The following GSAP variants were observed in gnomAD, a reference collection of about 807,000 sequenced individuals.
The protein encoded by GSAP is gamma-secretase-activating protein.
GSAP carries 118 observed loss-of-function variants against 131.7 expected under a neutral mutation model. The observed-to-expected ratio is 0.90, with a 90% CI of 0.77 to 1.04. GSAP has a LOEUF of 1.04. Among genes scored for constraint, GSAP ranks in the 50% least tolerant of loss-of-function variants. The pLI is 0.00. For missense variants in GSAP, 1,019 were observed against 1,013.2 expected, an observed-to-expected ratio of 1.01 and a Z score of -0.08; for synonymous variants, 381 against 363.4, an observed-to-expected ratio of 1.05 and a Z score of -0.55.
At chr7:77,415,326 G>A (rs1804156775) in intron 1 of GSAP, among the ~76,000 whole-genome samples, 2 of 152,240 alleles carry the variant, frequency 1.3e-5, no homozygotes, top group Admixed American at 1.3e-4. Context: ...ATTCACTGAA[G>A]TGGACAGCGC....
intron 12 of GSAP, among the ~76,000 whole-genome samples, chr7:77,370,961 G>A (rs545330547): frequency 2.6e-5 from 4 of 151,576 alleles, no homozygotes; most frequent in East Asian, 1.9e-4. Flanking sequence ...TTTCCTTTTC[G>A]TTTGGATGTT....
Position 77,406,008 on chromosome 7 carries a change from T to TA in GSAP, c.186+20dup, listed in dbSNP as rs1408001873. 13 of 852,134 alleles carry TA rather than the reference T, an allele frequency of 1.5e-5. No homozygotes were observed. The East Asian group carries it at 6.8e-4, about 44-fold the overall frequency. The allele number at this position is 852,134 out of a possible 1,614,324, so 52.8% of individuals were successfully genotyped here. On this transcript the variant is annotated intron_variant, in intron 2 of 30. Coordinates refer to ENST00000257626, the MANE Select transcript of GSAP (RefSeq NM_017439.4). ...CAGTAAATTTTACATCTTACCACAATAAAAAAGAATATAGACATACCTTAT... is the reference window on the plus strand; with the variant it reads ...CAGTAAATTTTACATCTTACCACAATAAAAAAAGAATATAGACATACCTTAT...
chr7:77,389,487 T>G (rs1464239216), intron 5 of GSAP, among the ~76,000 whole-genome samples: 1 of 134,752 alleles, frequency 7.4e-6, no homozygotes, highest in Non-Finnish European at 1.6e-5. Flanking sequence ...CCTATGTCCA[T>G]GTGTTCTCAT....
intron 19 of GSAP, among the ~76,000 whole-genome samples, chr7:77,345,403 T>G (rs1791645444): frequency 6.6e-6 from 1 of 152,190 alleles, no homozygotes; most frequent in Admixed American, 6.5e-5. Flanking sequence ...CCCCAACACT[T>G]CAATGCTATT....
intron 5 of GSAP, among the ~76,000 whole-genome samples, chr7:77,389,974 T>C (rs1245139610): frequency 6.6e-6 from 1 of 152,232 alleles, no homozygotes; most frequent in Non-Finnish European, 1.5e-5. Context: ...ATGATTGCCA[T>C]TCTAACTGGT....
At position 77,345,694 on chromosome 7, in the gene GSAP, G is replaced by A. The variant is rs896468968; in HGVS notation, c.1545+3657C>T. On this transcript the variant is annotated intron_variant, in intron 19 of 30. Transcript: ENST00000257626. ...TGAGCAACTTGTGACACACGCCCCTGCTCATAAGAGAAAACCCCCTTTAAC... is the reference window on the plus strand; with the variant it reads ...TGAGCAACTTGTGACACACGCCCCTACTCATAAGAGAAAACCCCCTTTAAC... 3.9e-5 allele frequency among the ~76,000 whole-genome samples: 6 copies of A among 152,206 alleles called. No individual in the cohort carries two copies. The East Asian group carries it at 1.2e-3, about 29-fold the overall frequency.
In GSAP at chr7:77,397,419, T is replaced by C; in HGVS notation, c.244-4A>G. 1.3e-6 allele frequency: 2 copies of C among 1,510,758 alleles called. No homozygotes were observed. The highest frequency in any genetic ancestry group is 1.8e-5 in the Admixed American group (1 of 55,440). The allele number at this position is 1,510,758 out of a possible 1,614,324, so 93.6% of individuals were successfully genotyped here. The stretch of plus-strand genomic sequence containing the variant: ...CTTTCTCAAAGGTATATAGAAGCTA[T>C]TAAAACAAAAATATTTTTTAATTTG... On this transcript the variant is annotated splice_region_variant and splice_polypyrimidine_tract_variant and intron_variant, in intron 3 of 30. Coordinates refer to ENST00000257626, the MANE Select transcript of GSAP (RefSeq NM_017439.4).
intron 18 of GSAP, chr7:77,351,699 T>A (rs1792888984): frequency 1.0e-6 from 1 of 985,822 alleles, no homozygotes; most frequent in Non-Finnish European, 1.2e-6. Flanking sequence ...TCTTGAGAAG[T>A]GCAAAAGGGA....
In GSAP at chr7:77,353,002, G is replaced by C; in HGVS notation, c.1433C>G (p.Ser478Ter). Residue 478 changes from serine to a stop codon, truncating the protein, a stop_gained, in exon 18 of 31, where the codon TCA (serine) becomes TGA (stop). Transcript: ENST00000257626. LOFTEE classifies it high-confidence loss of function. ...TAGTTTGTCCATGTTACTTGTCTCTGAATATACACTCCAGTATGAAGAAGC... is the reference window on the plus strand; with the variant it reads ...TAGTTTGTCCATGTTACTTGTCTCTCAATATACACTCCAGTATGAAGAAGC... ...IIASSYWSVY[S>*]ETSNMDKLLP... The C allele has an allele frequency of 6.2e-7, 1 of 1,603,128 alleles. No individual in the cohort carries two copies. Among genetic ancestry groups the C allele is most frequent in the Non-Finnish European group, 8.5e-7 (1 of 1,170,216 alleles).
At chr7:77,345,291 T>C (rs991356261) in intron 19 of GSAP, among the ~76,000 whole-genome samples, 6 of 152,198 alleles carry the variant, frequency 3.9e-5, no homozygotes, top group African/African-American at 1.2e-4. Flanking sequence ...CAGCTTAATC[T>C]ATACCACTCT....
chr7:77,391,125 C>CAAAAAA (rs3083869), intron 5 of GSAP, among the ~76,000 whole-genome samples: 170 of 64,536 alleles, frequency 2.6e-3, no homozygotes, highest in African/African-American at 2.8e-3. Context: ...GGCTCCGTCT[C>CAAAAAA]AAAAAAAAAA....
intron 19 of GSAP, among the ~76,000 whole-genome samples, chr7:77,339,809 G>C (rs1790623839): frequency 6.6e-6 from 1 of 152,088 alleles, no homozygotes; most frequent in Non-Finnish European, 1.5e-5. Context: ...AAACCTAATA[G>C]GTAAAAGTTA....
At chr7:77,351,066 C>A in intron 18 of GSAP, 1 of 920,298 alleles carries the variant, frequency 1.1e-6, no homozygotes, top group African/African-American at 1.8e-5. Flanking sequence ...TTTAAATGAC[C>A]GAGATTTTAC....
At chr7:77,311,820 G>C (rs779705282) in intron 30 of GSAP, 21 bp downstream of exon 30, 23 of 1,134,166 alleles carry the variant, frequency 2.0e-5, no homozygotes, top group Admixed American at 2.0e-4. Flanking sequence ...GTAAGACCCT[G>C]AGAACAGGGG....
chr7:77,381,674 C>G (rs1032046775), intron 7 of GSAP, among the ~76,000 whole-genome samples: 1 of 152,058 alleles, frequency 6.6e-6, no homozygotes, highest in Non-Finnish European at 1.5e-5. Flanking sequence ...ATACCATCAG[C>G]GTTATATAGG....
intron 5 of GSAP, among the ~76,000 whole-genome samples, chr7:77,392,027 C>A (rs1402351907): frequency 6.6e-6 from 1 of 152,070 alleles, no homozygotes; most frequent in Non-Finnish European, 1.5e-5. Context: ...GAGTTCGAGA[C>A]CAGCCTGGCC....
chr7:77,329,673 C>T (rs1784200239), intron 20 of GSAP: 1 of 222,812 alleles, frequency 4.5e-6, no homozygotes, highest in Middle Eastern at 1.5e-3. Flanking sequence ...CACCCAGTCT[C>T]CTCAGTGCTT....
At chr7:77,332,964 C>G (rs1187304067) in intron 19 of GSAP, among the ~76,000 whole-genome samples, 1 of 152,118 alleles carries the variant, frequency 6.6e-6, no homozygotes. Context: ...GTCAAGAGAT[C>G]AAGACCATCC....
At chr7:77,320,343 T>C (rs557947806) in intron 26 of GSAP, among the ~76,000 whole-genome samples, 3 of 152,222 alleles carry the variant, frequency 2.0e-5, no homozygotes, top group African/African-American at 7.2e-5. Flanking sequence ...TCCAAGCGTA[T>C]AAGAATCAGT....
Sources: gnomAD v4.1 joint callset for allele counts (sites outside exome capture counted in the v4.1 genomes callset) on GRCh38, gnomAD v4.1.1 for gene constraint, MANE v1.5 for transcripts, NCBI Gene and HGNC (gene_info 2026-07-23, HGNC 2026-07-21) for gene names.